CDH26: variants seen among roughly 807,000 people sequenced by gnomAD.
The protein encoded by CDH26 is cadherin-like protein 26.
CDH26 carries 83 observed loss-of-function variants against 90.3 expected under a neutral mutation model. The observed-to-expected ratio is 0.92, with a 90% confidence interval of 0.77 to 1.10. The LOEUF (loss-of-function observed/expected upper bound fraction) is 1.10, where lower values mean the gene tolerates loss of function less well. Among genes scored for constraint, CDH26 ranks in the 50% least tolerant of loss-of-function variants. CDH26 has a pLI of 0.00. For synonymous variants in CDH26, 397 were observed against 396.3 expected (o/e 1.00, Z -0.02); for missense variants, 1,013 against 1,037.6 (o/e 0.98, Z 0.33).
chr20:59,964,130 AT>A (rs776309843), intron 1 of CDH26, among the ~76,000 whole-genome samples: 7 of 152,260 alleles, frequency 4.6e-5, no homozygotes, highest in Non-Finnish European at 8.8e-5. Flanking sequence ...AAAAACTTGC[AT>A]TTAAAAATGA....
exon 9 of CDH26, chr20:60,033,703 G>C (rs2062062643): frequency 7.8e-7 from 1 of 1,286,204 alleles, no homozygotes; most frequent in Admixed American, 2.5e-5. Flanking sequence ...AGGGGCATGG[G>C]CCTGCTGTTG....
chr20:59,972,811 G>T (rs183438484), intron 4 of CDH26, among the ~76,000 whole-genome samples: 4 of 152,070 alleles, frequency 2.6e-5, no homozygotes, highest in African/African-American at 9.7e-5. Context: ...ACTCTTTCAG[G>T]GTGGAAAGAT....
At chr20:59,985,209 G>A in intron 7 of CDH26, 80 bp downstream of exon 7, 1 of 1,545,030 alleles carries the variant, frequency 6.5e-7, no homozygotes, top group Non-Finnish European at 8.8e-7. Context: ...TTCTCAGAGA[G>A]GGTGTTAGGC....
intron 13 of CDH26, among the ~76,000 whole-genome samples, chr20:59,997,051 C>T (rs572521782): frequency 1.3e-5 from 2 of 152,302 alleles, no homozygotes; most frequent in South Asian, 4.1e-4. Flanking sequence ...GCATCTAGTG[C>T]GTTGAGGTCA....
At position 60,012,732 on chromosome 20, in the gene CDH26, A is replaced by C; in HGVS notation, c.*2A>C. ...TCAGAGTCAGGTGTTCCTTCCTAAA[A>C]AAAAAAGTCTATTTTGGAGAATTGA... On this transcript the variant is annotated 3_prime_UTR_variant, in exon 18 of 18. Transcript: ENST00000348616. The C allele has an allele frequency of 6.2e-7, 1 of 1,612,440 alleles. No individual in the cohort carries two copies. Among genetic ancestry groups the C allele is most frequent in the Non-Finnish European group, 8.5e-7 (1 of 1,179,360 alleles).
intron 12 of CDH26, 28 bp from the exon 13 acceptor site, chr20:59,996,593 GCTTGTCTAAT>G (rs1569048426): frequency 6.2e-7 from 1 of 1,614,178 alleles, no homozygotes; most frequent in East Asian, 2.2e-5. Flanking sequence ...ATATGGGTGA[GCTTGTCTAAT>G]CTGTTTTTCC....
At chr20:60,002,285 A>G (rs1483020019) in intron 15 of CDH26, among the ~76,000 whole-genome samples, 1 of 151,314 alleles carries the variant, frequency 6.6e-6, no homozygotes, top group African/African-American at 2.4e-5. Context: ...GGGCTCCCGC[A>G]TTGATGAATG....
At chr20:59,985,641 C>G (rs964909670) in intron 7 of CDH26, among the ~76,000 whole-genome samples, 19 of 152,122 alleles carry the variant, frequency 1.2e-4, no homozygotes, top group African/African-American at 4.6e-4. Flanking sequence ...GAGATTTGGG[C>G]GGGGACAGAT....
rs753730340 is a variant in CDH26 at position 59,994,254 on chromosome 20, C to G, written c.1431C>G (p.Phe477Leu). ...GAAACTTCCTCCCCATACAAGGCTTCCCACCGCAGACTGCTACAGGGACCC... is the reference window on the plus strand; with the variant it reads ...GAAACTTCCTCCCCATACAAGGCTTGCCACCGCAGACTGCTACAGGGACCC... The part of the protein sequence containing the change: ...VIIIHAVDDG[F>L]PPQTATGTLM... Residue 477 changes from phenylalanine to leucine, a missense_variant, in exon 11 of 18, where the codon TTC becomes TTG. Transcript: ENST00000348616. The G allele has an allele frequency of 6.2e-7, 1 of 1,613,774 alleles. No individual in the cohort carries two copies. The highest frequency in any genetic ancestry group is 1.1e-5 in the South Asian group (1 of 91,012).
chr20:59,968,390 C>G (rs1047137817), intron 1 of CDH26, among the ~76,000 whole-genome samples: 3 of 152,096 alleles, frequency 2.0e-5, no homozygotes, highest in African/African-American at 7.2e-5. Context: ...AGCCACCGCT[C>G]CTGGCTGACT....
intron 6 of CDH26, 37 bp downstream of exon 6, chr20:59,984,842 T>C (rs771029295): frequency 6.3e-7 from 1 of 1,588,952 alleles, no homozygotes; most frequent in Non-Finnish European, 8.6e-7. Context: ...AAATGAAATG[T>C]GTGGCCCATC....
At chr20:60,006,673 G>A (rs775906065) in intron 16 of CDH26, 40 bp from the exon 17 acceptor site, 1 of 1,486,466 alleles carries the variant, frequency 6.7e-7, no homozygotes, top group South Asian at 1.1e-5. Flanking sequence ...GTAGGACAAG[G>A]GCTCTGCTGT....
intron 16 of CDH26, among the ~76,000 whole-genome samples, chr20:60,004,980 C>T (rs971742830): frequency 1.3e-5 from 2 of 151,212 alleles, no homozygotes; most frequent in African/African-American, 4.9e-5. Flanking sequence ...TGTGTGGGTG[C>T]ACTTATATGT....
intron 7 of CDH26, among the ~76,000 whole-genome samples, chr20:60,020,234 C>T (rs1297260142): frequency 1.3e-5 from 2 of 152,176 alleles, no homozygotes; most frequent in African/African-American, 4.8e-5. Context: ...TTTCTCAGGC[C>T]TGGGACAGGG....
intron 13 of CDH26, among the ~76,000 whole-genome samples, chr20:59,997,248 G>A (rs532675831): frequency 6.6e-6 from 1 of 152,350 alleles, no homozygotes; most frequent in Non-Finnish European, 1.5e-5. Context: ...TGGCTTCTTG[G>A]CCATGGCTTT....
In CDH26 at chr20:59,985,096, C is replaced by T; in HGVS notation, c.804C>T (p.Gly268=). 6.2e-7 allele frequency: 1 copy of T among 1,613,960 alleles called. No individual in the cohort carries two copies. The highest frequency in any genetic ancestry group is 8.5e-7 in the Non-Finnish European group (1 of 1,179,974). ...TTTVHVDVQE[G]NNHRPAFTQE... ...CCGTTCACGTGGATGTGCAAGAAGG[C>T]AACAACCACAGGCCTGCATTTACCC... is the stretch of plus-strand genomic sequence containing the variant. The change falls in exon 7 of 18, where the codon GGC becomes GGT. Residue 268 remains glycine (G), a synonymous_variant. Coordinates refer to ENST00000348616, the MANE Select transcript of CDH26 (RefSeq NM_177980.4).
downstream of CDH26, among the ~76,000 whole-genome samples, chr20:60,034,177 A>G (rs111437143): frequency 0.015 from 2,244 of 152,234 alleles, 27 homozygotes; most frequent in South Asian, 0.063. Flanking sequence ...TGGGACAGAG[A>G]GTGTCTCCCT....
At chr20:59,995,533 C>G (rs1053703717) in intron 11 of CDH26, among the ~76,000 whole-genome samples, 7 of 152,210 alleles carry the variant, frequency 4.6e-5, no homozygotes, top group Admixed American at 3.3e-4. Context: ...GTGCCTCTTT[C>G]CTTGTGTGAT....
chr20:59,998,650 G>T (rs1418214257), intron 13 of CDH26, among the ~76,000 whole-genome samples: 1 of 152,154 alleles, frequency 6.6e-6, no homozygotes, highest in Non-Finnish European at 1.5e-5. Flanking sequence ...GTATCTTAGG[G>T]CTCTGAGAAG....
Sources: gnomAD v4.1 joint callset for allele counts (sites outside exome capture counted in the v4.1 genomes callset) on GRCh38, gnomAD v4.1.1 for gene constraint, MANE v1.5 for transcripts, NCBI Gene and HGNC (gene_info 2026-07-23, HGNC 2026-07-21) for gene names.